Variants in ADGRL2 observed in about 807,000 individuals in gnomAD.
The protein encoded by ADGRL2 is adhesion G protein-coupled receptor L2.
ADGRL2 carries 44 observed loss-of-function variants against 157.4 expected under a neutral mutation model. The ratio of observed to expected loss-of-function variants is 0.28; its 90% confidence interval spans 0.22 to 0.36. The LOEUF (loss-of-function observed/expected upper bound fraction) is 0.36. ADGRL2 is among the 10% of genes least tolerant of loss of function. The pLI, the probability that ADGRL2 is intolerant of heterozygous loss-of-function variation, is 1.00. For missense variants in ADGRL2, 1,510 were observed against 1,768.9 expected (o/e 0.85, Z 2.63); for synonymous variants, 585 against 624.7 (o/e 0.94, Z 0.95).
intron 3 of ADGRL2, among the ~76,000 whole-genome samples, chr1:81,927,444 G>A (rs1231018331): frequency 1.3e-5 from 2 of 151,622 alleles, no homozygotes; most frequent in Non-Finnish European, 2.9e-5. Flanking sequence ...TAAAAAATCA[G>A]GATTATATTT....
At chr1:81,956,550 A>G (rs867020027) in intron 11 of ADGRL2, among the ~76,000 whole-genome samples, 3 of 152,214 alleles carry the variant, frequency 2.0e-5, no homozygotes, top group Admixed American at 6.5e-5. Context: ...CACAATGCAG[A>G]ACATCCGTGC....
At chr1:81,532,818 G>A (rs1234787968) in intron 2 of ADGRL2, among the ~76,000 whole-genome samples, 1 of 152,062 alleles carries the variant, frequency 6.6e-6, no homozygotes, top group Non-Finnish European at 1.5e-5. Flanking sequence ...CACTCGGGAG[G>A]CAAAGGTGGG....
At chr1:81,478,424 C>T (rs567132890) in intron 2 of ADGRL2, among the ~76,000 whole-genome samples, 3 of 152,212 alleles carry the variant, frequency 2.0e-5, no homozygotes, top group Non-Finnish European at 4.4e-5. Context: ...TACAGCTAGA[C>T]GACACCTCCA....
intron 2 of ADGRL2, among the ~76,000 whole-genome samples, chr1:81,900,457 T>C (rs1007730328): frequency 2.0e-5 from 3 of 151,948 alleles, no homozygotes; most frequent in Admixed American, 2.0e-4. Flanking sequence ...TTTACTGCCA[T>C]GAAGAGCTGA....
At chr1:81,565,426 AG>A (rs2148471344) in intron 2 of ADGRL2, among the ~76,000 whole-genome samples, 1 of 152,334 alleles carries the variant, frequency 6.6e-6, no homozygotes, top group African/African-American at 2.4e-5. Flanking sequence ...CAGTATTCAA[AG>A]CGCTATGAGT....
At chr1:81,421,699 C>CTT (rs34389652) in intron 1 of ADGRL2, among the ~76,000 whole-genome samples, 28,046 of 148,056 alleles carry the variant, frequency 0.19, 2,652 homozygotes, top group South Asian at 0.29. Context: ...ACTAAATATT[C>CTT]TTTTTTTTTT....
At chr1:81,508,447 G>A (rs954159271) in intron 2 of ADGRL2, among the ~76,000 whole-genome samples, 4 of 152,112 alleles carry the variant, frequency 2.6e-5, no homozygotes, top group East Asian at 3.8e-4. Flanking sequence ...TTATGGGTTC[G>A]CCAGTGTGCT....
Position 81,870,658 on chromosome 1 carries a change from G to A in ADGRL2, c.73+33601G>A, listed in dbSNP as rs151017354. 3.4e-3 allele frequency among the ~76,000 whole-genome samples: 517 copies of A among 152,202 alleles called. 8 individuals are homozygous for A. The highest frequency in any genetic ancestry group is 0.033 in the South Asian group (159 of 4,826). Reference sequence around the variant, plus strand: ...TGAAATTATTTTTTGCAGACAAAAAGTATTATGAAACTACCAAGCTTTTGT... The same window carrying A: ...TGAAATTATTTTTTGCAGACAAAAAATATTATGAAACTACCAAGCTTTTGT... On this transcript the variant is annotated intron_variant, in intron 2 of 23. Coordinates refer to ENST00000686636, the MANE Select transcript of ADGRL2 (RefSeq NM_001366006.2).
intron 2 of ADGRL2, among the ~76,000 whole-genome samples, chr1:81,565,942 A>G (rs2080550607): frequency 6.6e-6 from 1 of 152,202 alleles, no homozygotes; most frequent in Non-Finnish European, 1.5e-5. Flanking sequence ...TGCGATTGAC[A>G]GGCTATGTGG....
chr1:81,361,285 T>C lies in ADGRL2; in HGVS notation c.-302+54776T>C, dbSNP rs144778086. ...CTGAGTGCAAATATTATAATGCCATTTGGGATATTCTAATGTGCTTTTTAG... is the reference window on the plus strand; with the variant it reads ...CTGAGTGCAAATATTATAATGCCATCTGGGATATTCTAATGTGCTTTTTAG... On this transcript the variant is annotated intron_variant, in intron 1 of 24. Transcript: ENST00000370721. 1.2e-4 allele frequency among the ~76,000 whole-genome samples: 18 copies of C among 152,044 alleles called. No individual in the cohort carries two copies. In the East Asian group the frequency reaches 2.5e-3, roughly 21 times the overall value.
intron 2 of ADGRL2, among the ~76,000 whole-genome samples, chr1:81,784,496 G>A (rs2086945726): frequency 1.3e-5 from 2 of 152,130 alleles, no homozygotes; most frequent in Non-Finnish European, 2.9e-5. Flanking sequence ...GGGAGGCCAA[G>A]GTAGATGGAT....
intron 6 of ADGRL2, among the ~76,000 whole-genome samples, chr1:81,948,500 C>T (rs757157566): frequency 9.2e-5 from 14 of 152,210 alleles, no homozygotes; most frequent in East Asian, 3.9e-4. Context: ...TGCTCTGCCC[C>T]CTTCTTTTTT....
intron 1 of ADGRL2, among the ~76,000 whole-genome samples, chr1:81,349,431 G>T (rs1265130961): frequency 6.6e-6 from 1 of 152,046 alleles, no homozygotes; most frequent in Non-Finnish European, 1.5e-5. Flanking sequence ...GTAAACCTTG[G>T]CACACAGGCA....
chr1:81,939,546 A>C (rs1216644606), intron 4 of ADGRL2, among the ~76,000 whole-genome samples: 1 of 151,520 alleles, frequency 6.6e-6, no homozygotes, highest in Non-Finnish European at 1.5e-5. Flanking sequence ...TATTCAATGA[A>C]ATAGTGTGTC....
chr1:81,941,037 C>T (rs1647754683), intron 4 of ADGRL2, among the ~76,000 whole-genome samples: 1 of 150,570 alleles, frequency 6.6e-6, no homozygotes, highest in Non-Finnish European at 1.5e-5. Context: ...GCTCTGAATG[C>T]TCGGTATGAT....
At chr1:81,607,558 G>T (rs755511403) in intron 3 of ADGRL2, among the ~76,000 whole-genome samples, 4 of 117,194 alleles carry the variant, frequency 3.4e-5, no homozygotes, top group Non-Finnish European at 8.7e-5. Context: ...ACACCAAAAA[G>T]TTCCAAGTTG....
intron 3 of ADGRL2, among the ~76,000 whole-genome samples, chr1:81,912,164 T>C (rs1264223586): frequency 6.6e-6 from 1 of 151,900 alleles, no homozygotes; most frequent in Non-Finnish European, 1.5e-5. Flanking sequence ...CTCTGCCTCC[T>C]GGGTTCAAGC....
At chr1:81,585,836 CA>C (rs1393975753) in intron 3 of ADGRL2, 1 of 151,986 alleles carries the variant, frequency 6.6e-6, no homozygotes, top group Non-Finnish European at 1.5e-5. Flanking sequence ...TTCATTTTCA[CA>C]CTTTGGTTAA....
intron 1 of ADGRL2, among the ~76,000 whole-genome samples, chr1:81,397,566 A>T (rs2076678860): frequency 6.6e-6 from 1 of 151,776 alleles, no homozygotes; most frequent in Admixed American, 6.6e-5. Context: ...TGATCCACCC[A>T]CCTCGGCCTC....
Sources: allele counts gnomAD v4.1 joint callset (sites outside exome capture counted in the v4.1 genomes callset), GRCh38; gene constraint gnomAD v4.1.1; transcripts MANE v1.5; gene names NCBI Gene and HGNC (gene_info 2026-07-23, HGNC 2026-07-21).